The following ALG12 variants were observed in gnomAD, a reference collection of about 807,000 sequenced individuals.
ALG12 encodes the protein ALG12 alpha-1,6-mannosyltransferase.
ALG12 carries 36 observed loss-of-function variants against 46.0 expected under a neutral mutation model. That is an observed-to-expected ratio of 0.78 (90% confidence interval 0.60 to 1.03). ALG12 has a LOEUF of 1.03. ALG12 is among the 50% of genes least tolerant of loss of function. The pLI is 0.00. For missense variants in ALG12, 599 were observed against 633.5 expected, an observed-to-expected ratio of 0.95 and a Z score of 0.58; for synonymous variants, 326 against 291.6, an observed-to-expected ratio of 1.12 and a Z score of -1.20.
the ALG12 span, among the ~76,000 whole-genome samples, chr22:49,860,708 T>G: frequency 1.1e-4 from 16 of 152,150 alleles, no homozygotes; most frequent in Non-Finnish European, 5.9e-5. Flanking sequence ...ATGTACAAAA[T>G]AATTACCTGT....
intron 4 of ALG12, 119 bp downstream of exon 4, chr22:49,910,315 G>A: frequency 1.4e-6 from 2 of 1,401,842 alleles, no homozygotes; most frequent in Non-Finnish European, 2.0e-6. Flanking sequence ...AGACCATCCT[G>A]AGGAACCCAG....
rs762397075 is a variant in ALG12 at position 49,909,242 on chromosome 22, AC to A, written c.768+1del. On this transcript the variant is annotated splice_donor_variant, in intron 6 of 9. Transcript: ENST00000330817. LOFTEE classifies it high-confidence loss of function. ...CCCTCCTGCACGGACACTGAAGGATACCCCCCAGTTGGAGCTTTTGTTCAGG... is the reference window on the plus strand; with the variant it reads ...CCCTCCTGCACGGACACTGAAGGATACCCCCAGTTGGAGCTTTTGTTCAGG... The A allele has an allele frequency of 4.3e-6, 7 of 1,613,998 alleles. No homozygotes were observed. Among genetic ancestry groups the A allele is most frequent in the African/African-American group, 2.7e-5 (2 of 75,028 alleles).
chr22:49,894,058 G>A, the ALG12 span, among the ~76,000 whole-genome samples: 3 of 152,122 alleles, frequency 2.0e-5, no homozygotes, highest in East Asian at 1.9e-4. Flanking sequence ...CCAGCTACTC[G>A]GGAGGTTGAG....
chr22:49,909,409 A>T, intron 5 of ALG12, 62 bp from the exon 6 acceptor site: 1 of 1,496,076 alleles, frequency 6.7e-7, no homozygotes, highest in Non-Finnish European at 9.3e-7. Flanking sequence ...ATCCCGCCAC[A>T]ATGCAGCCCC....
the ALG12 span, among the ~76,000 whole-genome samples, chr22:49,881,167 G>C: frequency 1.1e-4 from 17 of 151,964 alleles, no homozygotes; most frequent in Non-Finnish European, 2.4e-4. Flanking sequence ...CCAACATGGC[G>C]AAACCCCGTC....
the ALG12 span, chr22:49,886,471 C>G: frequency 6.4e-7 from 1 of 1,572,412 alleles, no homozygotes; most frequent in Non-Finnish European, 8.6e-7. This position sits in a 1 kb window ranked among gnomAD's most constrained non-coding sequence, Gnocchi z 7.7. Flanking sequence ...GTGCCGTGCG[C>G]TAAAGCCCTT....
downstream of ALG12, among the ~76,000 whole-genome samples, chr22:49,897,663 C>CTTT (rs146468551): frequency 2.0e-3 from 208 of 103,614 alleles, 2 homozygotes; most frequent in South Asian, 3.6e-3. Flanking sequence ...CCCATGTTTT[C>CTTT]TTTTTTTTTT....
At chr22:49,864,948 C>CT in the ALG12 span, among the ~76,000 whole-genome samples, 6 of 98,532 alleles carry the variant, frequency 6.1e-5, no homozygotes, top group Non-Finnish European at 7.3e-5. Flanking sequence ...CCCCCCCCCC[C>CT]CCCCGTGAAG....
chr22:49,908,203 G>A (rs564912942), intron 6 of ALG12, among the ~76,000 whole-genome samples: 5 of 152,168 alleles, frequency 3.3e-5, no homozygotes, highest in Non-Finnish European at 5.9e-5. Flanking sequence ...GCCACAGGAC[G>A]TTCGGTCTCT....
the ALG12 span, among the ~76,000 whole-genome samples, chr22:49,878,775 A>G: frequency 6.6e-6 from 1 of 152,114 alleles, no homozygotes; most frequent in Non-Finnish European, 1.5e-5. Flanking sequence ...AGGTGGGTGG[A>G]TCACCTGAGG....
At chr22:49,882,646 G>A in the ALG12 span, among the ~76,000 whole-genome samples, 1 of 152,058 alleles carries the variant, frequency 6.6e-6, no homozygotes, top group Non-Finnish European at 1.5e-5. Context: ...TCTTTGTAAC[G>A]CCATGTTCCT....
the ALG12 span, among the ~76,000 whole-genome samples, chr22:49,894,349 G>A: frequency 6.6e-6 from 1 of 152,238 alleles, no homozygotes; most frequent in African/African-American, 2.4e-5. Flanking sequence ...TAAACCAAAT[G>A]TGTCAGCAAG....
chr22:49,862,736 C>G, the ALG12 span, among the ~76,000 whole-genome samples: 2 of 107,264 alleles, frequency 1.9e-5, no homozygotes, highest in East Asian at 6.2e-4. Flanking sequence ...AAGTCTTGCT[C>G]TGTCGCCCAG....
chr22:49,898,172 T>G (rs184575281), downstream of ALG12, among the ~76,000 whole-genome samples: 3 of 151,910 alleles, frequency 2.0e-5, no homozygotes, highest in East Asian at 5.8e-4. Context: ...GAATAAATTT[T>G]TTGTTGTTGT....
chr22:49,904,084 G>T lies in ALG12; in HGVS notation c.1239-18C>A, dbSNP rs200437070. The T allele has an allele frequency of 1.2e-6, 2 of 1,614,078 alleles. No homozygotes were observed. The highest frequency in any genetic ancestry group is 1.3e-5 in the African/African-American group (1 of 75,062). ...TGTCGTACCTGTGGGATGAGAGCTG[G>T]TGGTCCTGCCCAGGGCCCCCACATC... On this transcript the variant is annotated intron_variant, in intron 9 of 9. Transcript: ENST00000330817.
At chr22:49,895,657 TAAA>T (rs59138053), downstream of ALG12, among the ~76,000 whole-genome samples, 4 of 125,686 alleles carry the variant, frequency 3.2e-5, no homozygotes, top group South Asian at 4.9e-4. Context: ...ATCTCAAAAA[TAAA>T]AAAAAAAAAA....
rs1285766777 is a variant in ALG12 at position 49,902,199 on chromosome 22, T to C, written c.*1639A>G. Reference sequence around the variant, plus strand: ...GTGTGTGGTGTGTATGCATGGTGTGTGCACATGTGCACTGTGTGGTGTGTA... The same window carrying C: ...GTGTGTGGTGTGTATGCATGGTGTGCGCACATGTGCACTGTGTGGTGTGTA... On this transcript the variant is annotated 3_prime_UTR_variant, in exon 10 of 10. Transcript: ENST00000330817. 7.0e-6 allele frequency: 1 copy of C among 143,082 alleles called. No homozygotes were observed. The highest frequency in any genetic ancestry group is 6.9e-5 in the Admixed American group (1 of 14,544). 8.9% of individuals were successfully genotyped at this position (143,082 alleles called of 1,614,324 possible).
chr22:49,915,792 T>G (rs1362134033), intron 1 of ALG12, among the ~76,000 whole-genome samples: 1 of 152,156 alleles, frequency 6.6e-6, no homozygotes, highest in African/African-American at 2.4e-5. Context: ...GCCTGAAGGC[T>G]GCCTCGCTGC....
At chr22:49,870,716 CT>C in the ALG12 span, among the ~76,000 whole-genome samples, 1 of 151,878 alleles carries the variant, frequency 6.6e-6, no homozygotes, top group African/African-American at 2.4e-5. Flanking sequence ...GATTTCAGAC[CT>C]TTGTCAGATG....
Sources: allele counts gnomAD v4.1 joint callset (sites outside exome capture counted in the v4.1 genomes callset), GRCh38; gene constraint gnomAD v4.1.1; non-coding constraint Gnocchi (gnomAD v3.1); transcripts MANE v1.5; gene names NCBI Gene and HGNC (gene_info 2026-07-23, HGNC 2026-07-21).